COPS5: variants seen among roughly 807,000 people sequenced by gnomAD.
COPS5 encodes the protein COP9 signalosome subunit 5.
Under a neutral mutation model 44.4 loss-of-function variants are expected in COPS5, and 8 were observed. That is an observed-to-expected ratio of 0.18 (90% confidence interval 0.11 to 0.32). The LOEUF (loss-of-function observed/expected upper bound fraction) is 0.32. COPS5 is among the 10% of genes least tolerant of loss of function. The pLI is 1.00. For synonymous variants in COPS5, 122 were observed against 142.8 expected (o/e 0.85, Z 1.04); for missense variants, 159 against 406.4 (o/e 0.39, Z 5.23).
chr8:67,055,660 G>GT (rs1804491628), intron 5 of COPS5, among the ~76,000 whole-genome samples: 1 of 152,268 alleles, frequency 6.6e-6, no homozygotes, highest in South Asian at 2.1e-4. Flanking sequence ...GAGGTCAGGA[G>GT]TTTGAGACCA....
At chr8:67,044,495 C>T (rs1816675276) in intron 7 of COPS5, 1 of 152,126 alleles carries the variant, frequency 6.6e-6, no homozygotes, top group Admixed American at 6.5e-5. Flanking sequence ...ATAAACCAAA[C>T]CAGTTCTTAA....
At chr8:67,055,345 G>C (rs1804487147) in intron 5 of COPS5, among the ~76,000 whole-genome samples, 1 of 152,184 alleles carries the variant, frequency 6.6e-6, no homozygotes, top group African/African-American at 2.4e-5. Flanking sequence ...CATCTTAACA[G>C]AATCAGTCTG....
intron 5 of COPS5, among the ~76,000 whole-genome samples, chr8:67,053,424 G>A (rs981668184): frequency 1.3e-5 from 2 of 151,728 alleles, no homozygotes; most frequent in Admixed American, 1.3e-4. Flanking sequence ...CATCATGCTG[G>A]GCGTGTTGGC....
intron 6 of COPS5, among the ~76,000 whole-genome samples, chr8:67,048,439 G>A (rs936570849): frequency 4.6e-5 from 7 of 151,598 alleles, no homozygotes; most frequent in Non-Finnish European, 7.4e-5. Flanking sequence ...AATTCCAGCC[G>A]GGCGCGGTGG....
At chr8:67,052,748 A>G (rs1222232039) in intron 5 of COPS5, among the ~76,000 whole-genome samples, 2 of 148,488 alleles carry the variant, frequency 1.3e-5, no homozygotes, top group East Asian at 4.2e-4. Flanking sequence ...TGAACCCGGG[A>G]GGCAGAGGTT....
chr8:67,043,325 A>C lies in COPS5; in HGVS notation c.921-8T>G, dbSNP rs762883744. 132 of 1,553,814 alleles carry C rather than the reference A, an allele frequency of 8.5e-5. No homozygotes were observed. The highest frequency in any genetic ancestry group is 1.1e-4 in the Non-Finnish European group (119 of 1,130,920). ...TCTATGGTAGTTTTACAGCTGGAAA[A>C]AAAAACACACATCACATGATGTCAT... On this transcript the variant is annotated splice_polypyrimidine_tract_variant and splice_region_variant and intron_variant, in intron 7 of 7. Coordinates refer to ENST00000357849, the MANE Select transcript of COPS5 (RefSeq NM_006837.3).
intron 2 of COPS5, among the ~76,000 whole-genome samples, chr8:67,058,961 G>A (rs1214690420): frequency 6.7e-6 from 1 of 150,354 alleles, no homozygotes; most frequent in Non-Finnish European, 1.5e-5. Flanking sequence ...CTGAGATCAC[G>A]CCACTGCACT....
At chr8:67,058,848 A>G (rs1449720089) in intron 2 of COPS5, among the ~76,000 whole-genome samples, 1 of 152,102 alleles carries the variant, frequency 6.6e-6, no homozygotes, top group Non-Finnish European at 1.5e-5. Context: ...TACTAAAAAT[A>G]GAAAAATTAT....
chr8:67,048,787 C>T (rs1446136021), intron 6 of COPS5, among the ~76,000 whole-genome samples: 2 of 151,124 alleles, frequency 1.3e-5, no homozygotes, highest in Admixed American at 6.6e-5. Flanking sequence ...ATATAATGCA[C>T]CAAATTAAAA....
intron 3 of COPS5, among the ~76,000 whole-genome samples, 168 bp from the exon 4 acceptor site, chr8:67,057,613 T>A (rs1804532448): frequency 6.6e-6 from 1 of 152,170 alleles, no homozygotes; most frequent in South Asian, 2.1e-4. Flanking sequence ...GTAATATAAG[T>A]GTCTCACAGC....
chr8:67,055,227 T>C (rs1366988550), intron 5 of COPS5, among the ~76,000 whole-genome samples: 1 of 152,186 alleles, frequency 6.6e-6, no homozygotes, highest in Non-Finnish European at 1.5e-5. Context: ...TCACAGAGGC[T>C]GTAGGAGCCA....
At chr8:67,053,305 G>A (rs1804446810) in intron 5 of COPS5, among the ~76,000 whole-genome samples, 1 of 151,428 alleles carries the variant, frequency 6.6e-6, no homozygotes, top group African/African-American at 2.4e-5. Context: ...TGTCCAGGCT[G>A]GTCTCGAACT....
chr8:67,050,812 A>T (rs2129537824), intron 6 of COPS5, among the ~76,000 whole-genome samples: 1 of 151,986 alleles, frequency 6.6e-6, no homozygotes, highest in Middle Eastern at 3.4e-3. Context: ...ATGCAAACTT[A>T]GCTGTGCCTG....
chr8:67,056,926 C>T (rs953349355), intron 4 of COPS5, among the ~76,000 whole-genome samples: 3 of 151,692 alleles, frequency 2.0e-5, no homozygotes, highest in South Asian at 4.1e-4. Context: ...TTTCAGATTG[C>T]GGCCTCCTGC....
chr8:67,058,180 T>A lies in COPS5; in HGVS notation c.410A>T (p.Tyr137Phe), dbSNP rs1380557410. 1 of 1,613,710 alleles carries A rather than the reference T, an allele frequency of 6.2e-7. No individual in the cohort carries two copies. Among genetic ancestry groups the A allele is most frequent in the Non-Finnish European group, 8.5e-7 (1 of 1,179,766 alleles). ...GCAGCCATAGCCAGGGTGGCTATGA[T>A]ACCACCCGATTGCATTTTCAAGGCG... ...VGRLENAIGWYHSHPGYGCWL... is the reference protein window; with the variant it reads ...VGRLENAIGWFHSHPGYGCWL... Residue 137 changes from tyrosine (Y) to phenylalanine (F), a missense_variant, in exon 3 of 8, where the codon TAT (tyrosine) becomes TTT (phenylalanine). Tyr to Phe is a conservative substitution (Grantham distance 22, BLOSUM62 3). Transcript: ENST00000357849.
At chr8:67,060,355 T>C (rs1804566675) in intron 1 of COPS5, 3 of 1,205,848 alleles carry the variant, frequency 2.5e-6, no homozygotes, top group Non-Finnish European at 3.2e-6. Flanking sequence ...AGCAAGCAGA[T>C]AACCAAGCAA....
At chr8:67,055,305 T>C (rs1804486727) in intron 5 of COPS5, among the ~76,000 whole-genome samples, 1 of 152,158 alleles carries the variant, frequency 6.6e-6, no homozygotes, top group South Asian at 2.1e-4. Flanking sequence ...TGGGAAGTCA[T>C]TCTGAAAAGG....
chr8:67,062,105 C>T lies in COPS5; in HGVS notation c.-109G>A, dbSNP rs1804661985. 6.4e-7 allele frequency: 1 copy of T among 1,568,704 alleles called. No individual in the cohort carries two copies. The highest frequency in any genetic ancestry group is 1.1e-5 in the South Asian group (1 of 87,214). On this transcript the variant is annotated 5_prime_UTR_variant, in exon 1 of 8. Transcript: ENST00000357849. ...TCCGCACCACGGGAACAAACTCTTACCTAGACTCTTGGGGCAGCCATGACA... is the reference window on the plus strand; with the variant it reads ...TCCGCACCACGGGAACAAACTCTTATCTAGACTCTTGGGGCAGCCATGACA...
At chr8:67,061,387 C>G (rs1192404115) in intron 1 of COPS5, 1 of 452,958 alleles carries the variant, frequency 2.2e-6, no homozygotes, top group South Asian at 1.6e-5. Flanking sequence ...GGCAGAAGCT[C>G]GAGATCAGCC....
Sources: allele counts gnomAD v4.1 joint callset (sites outside exome capture counted in the v4.1 genomes callset), GRCh38; gene constraint gnomAD v4.1.1; transcripts MANE v1.5; gene names NCBI Gene and HGNC (gene_info 2026-07-23, HGNC 2026-07-21).